The following CBLB variants were observed in gnomAD, a reference collection of about 807,000 sequenced individuals.
CBLB encodes E3 ubiquitin-protein ligase CBL-B.
In CBLB, 31 loss-of-function variants were observed where a neutral mutation model predicts 104.9. The observed-to-expected ratio is 0.30, with a 90% confidence interval of 0.22 to 0.40. The LOEUF (loss-of-function observed/expected upper bound fraction) is 0.40. Ranked by LOEUF, CBLB falls within the 10% of genes least tolerant of loss-of-function variation. The probability of loss-of-function intolerance (pLI) is 1.00; values close to 1 mark genes in which losing one functional copy is unlikely to be tolerated. For missense variants in CBLB, 1,062 were observed against 1,214.6 expected, an observed-to-expected ratio of 0.87 and a Z score of 1.87; for synonymous variants, 440 against 422.6, an observed-to-expected ratio of 1.04 and a Z score of -0.51.
At chr3:105,799,341 C>A (rs532573454) in intron 3 of CBLB, among the ~76,000 whole-genome samples, 1 of 152,066 alleles carries the variant, frequency 6.6e-6, no homozygotes, top group Non-Finnish European at 1.5e-5. Flanking sequence ...AACATTAGAG[C>A]ATGGAAAAGC....
At chr3:105,786,744 T>G (rs1326422917) in intron 3 of CBLB, among the ~76,000 whole-genome samples, 1 of 152,210 alleles carries the variant, frequency 6.6e-6, no homozygotes, top group Non-Finnish European at 1.5e-5. Flanking sequence ...ATTTATCTCC[T>G]TCCTTTATAA....
chr3:105,849,785 A>T (rs564090361), intron 3 of CBLB, among the ~76,000 whole-genome samples: 1 of 152,258 alleles, frequency 6.6e-6, no homozygotes, highest in African/African-American at 2.4e-5. Flanking sequence ...AATTTAATGG[A>T]TGACTTGGCT....
chr3:105,808,506 C>T (rs1286385662), intron 3 of CBLB, among the ~76,000 whole-genome samples: 1 of 152,094 alleles, frequency 6.6e-6, no homozygotes, highest in Non-Finnish European at 1.5e-5. Context: ...ACTAAGCTGT[C>T]TTATGTCATT....
intron 4 of CBLB, among the ~76,000 whole-genome samples, chr3:105,775,159 G>T (rs2079306760): frequency 6.6e-6 from 1 of 152,072 alleles, no homozygotes; most frequent in East Asian, 1.9e-4. Flanking sequence ...CTACAACACA[G>T]AATTTCCATG....
intron 4 of CBLB, among the ~76,000 whole-genome samples, chr3:105,757,459 C>A (rs2077186114): frequency 6.6e-6 from 1 of 152,108 alleles, no homozygotes; most frequent in African/African-American, 2.4e-5. Context: ...TTCTGACGCG[C>A]TGAGAGAGGG....
intron 18 of CBLB, 103 bp downstream of exon 18, chr3:105,670,130 G>A: frequency 9.7e-7 from 1 of 1,030,012 alleles, no homozygotes; most frequent in Non-Finnish European, 1.5e-6. Flanking sequence ...TTCTTGGGTG[G>A]ACAACATTCA....
At chr3:105,791,038 A>C (rs2081572952) in intron 3 of CBLB, among the ~76,000 whole-genome samples, 1 of 152,238 alleles carries the variant, frequency 6.6e-6, no homozygotes, top group Admixed American at 6.5e-5. Flanking sequence ...ATAATACGTT[A>C]TCACCAGGCA....
At chr3:105,797,968 T>C (rs1315927551) in intron 3 of CBLB, among the ~76,000 whole-genome samples, 1 of 152,176 alleles carries the variant, frequency 6.6e-6, no homozygotes, top group Admixed American at 6.5e-5. Flanking sequence ...GTAGAAGCAC[T>C]GCAAGGGCCA....
At chr3:105,770,900 G>A (rs572754469) in intron 4 of CBLB, among the ~76,000 whole-genome samples, 1 of 152,288 alleles carries the variant, frequency 6.6e-6, no homozygotes, top group East Asian at 1.9e-4. Flanking sequence ...GACTGAATCA[G>A]TAATTTTAAA....
Position 105,803,245 on chromosome 3 carries a change from G to A in CBLB, c.420-26703C>T, listed in dbSNP as rs146235881. Among the ~76,000 whole-genome samples, 24 of 152,272 alleles carry A rather than the reference G, an allele frequency of 1.6e-4. 1 individual carries two copies. The East Asian group carries it at 4.4e-3, about 28-fold the overall frequency. ...AATACACAATTTGTAGAATAATTAT[G>A]GAACTTCTACTTATTTCTTTAGGCT... On this transcript the variant is annotated intron_variant, in intron 3 of 18. Coordinates refer to ENST00000394030, the MANE Select transcript of CBLB (RefSeq NM_170662.5).
intron 3 of CBLB, among the ~76,000 whole-genome samples, chr3:105,840,803 A>C (rs2089430243): frequency 6.6e-6 from 1 of 152,048 alleles, no homozygotes; most frequent in Non-Finnish European, 1.5e-5. Flanking sequence ...ACCTACTGAA[A>C]CCAATTATTT....
In CBLB at chr3:105,734,106, G is replaced by T. The variant is rs1176312308; in HGVS notation, c.1106C>A (p.Thr369Asn). The change falls in exon 9 of 19, where the codon ACT (threonine) becomes AAT (asparagine). Residue 369 changes from threonine to asparagine, a missense_variant. Thr to Asn is a moderately conservative substitution (Grantham distance 65, BLOSUM62 0). Transcript: ENST00000394030. Reference sequence around the variant, plus strand: ...TGCACAAATCTTACAGAGCTGAAAAGTGGAGCCCATTTCACAATATAATTC... The same window carrying T: ...TGCACAAATCTTACAGAGCTGAAAATTGGAGCCCATTTCACAATATAATTC... Reference protein sequence around the residue: ...QYELYCEMGSTFQLCKICAEN... With the variant: ...QYELYCEMGSNFQLCKICAEN... 1 of 1,613,938 alleles carries T rather than the reference G, an allele frequency of 6.2e-7. No homozygotes were observed. Among genetic ancestry groups the T allele is most frequent in the Non-Finnish European group, 8.5e-7 (1 of 1,179,792 alleles).
chr3:105,666,176 C>T (rs896481207), intron 18 of CBLB, among the ~76,000 whole-genome samples: 1 of 151,898 alleles, frequency 6.6e-6, no homozygotes, highest in Non-Finnish European at 1.5e-5. Flanking sequence ...CTTAGTAAAC[C>T]AGTGACAATT....
chr3:105,743,987 T>C (rs532301396), intron 6 of CBLB, among the ~76,000 whole-genome samples: 39 of 152,076 alleles, frequency 2.6e-4, no homozygotes, highest in Admixed American at 9.2e-4. Flanking sequence ...TTTTAAGGTA[T>C]GACTGATATA....
chr3:105,741,038 C>T (rs1394419796), intron 6 of CBLB, among the ~76,000 whole-genome samples: 1 of 150,108 alleles, frequency 6.7e-6, no homozygotes, highest in Non-Finnish European at 1.5e-5. Flanking sequence ...AAAAACTGAG[C>T]CAGTTTCTAC....
In CBLB at chr3:105,704,102, C is replaced by T; in HGVS notation, c.1479G>A (p.Gln493=). The T allele has an allele frequency of 3.1e-6, 5 of 1,614,086 alleles. No homozygotes were observed. The highest frequency in any genetic ancestry group is 4.2e-6 in the Non-Finnish European group (5 of 1,179,992). Residue 493 remains glutamine (Q), a synonymous_variant, in exon 11 of 19, where the codon CAG becomes CAA. Transcript: ENST00000394030. ...SSPLAQRRKP[Q]PDPLQIPHLS... Reference sequence around the variant, plus strand: ...GATGTGGGATCTGGAGTGGGTCAGGCTGTGGCTTTCTTCTCTGGGCAAGGG... The same window carrying T: ...GATGTGGGATCTGGAGTGGGTCAGGTTGTGGCTTTCTTCTCTGGGCAAGGG...
At chr3:105,822,855 C>G (rs988736729) in intron 3 of CBLB, among the ~76,000 whole-genome samples, 1 of 152,176 alleles carries the variant, frequency 6.6e-6, no homozygotes, top group Non-Finnish European at 1.5e-5. Flanking sequence ...CTTCACTGCT[C>G]CTTAAATCAA....
At chr3:105,743,224 G>C (rs1257384931) in intron 6 of CBLB, among the ~76,000 whole-genome samples, 2 of 152,058 alleles carry the variant, frequency 1.3e-5, no homozygotes, top group African/African-American at 4.8e-5. Flanking sequence ...TTGGGAGACT[G>C]AGCAAGGTGG....
intron 7 of CBLB, 128 bp downstream of exon 7, chr3:105,740,366 G>A: frequency 1.1e-6 from 1 of 905,290 alleles, no homozygotes; most frequent in East Asian, 2.5e-5. Context: ...AAAAACTAAG[G>A]AACATCCATT....
Sources: allele counts gnomAD v4.1 joint callset (sites outside exome capture counted in the v4.1 genomes callset), GRCh38; gene constraint gnomAD v4.1.1; transcripts MANE v1.5; gene names NCBI Gene and HGNC (gene_info 2026-07-23, HGNC 2026-07-21).